The following CSNK1G1 variants were observed in gnomAD, a reference collection of about 807,000 sequenced individuals.
CSNK1G1 encodes the protein casein kinase I isoform gamma-1.
A neutral mutation model predicts 59.6 loss-of-function variants in CSNK1G1; 22 were observed. That is an observed-to-expected ratio of 0.37 (90% CI 0.26 to 0.53). CSNK1G1 has a LOEUF of 0.53. Ranked by LOEUF, CSNK1G1 falls within the 20% of genes least tolerant of loss-of-function variation. CSNK1G1 has a pLI of 0.89. For missense variants in CSNK1G1, 384 were observed against 519.5 expected, an observed-to-expected ratio of 0.74 and a Z score of 2.54; for synonymous variants, 179 against 177.1, an observed-to-expected ratio of 1.01 and a Z score of -0.08.
intron 2 of CSNK1G1, among the ~76,000 whole-genome samples, chr15:64,299,265 T>C (rs544037386): frequency 5.9e-5 from 9 of 152,224 alleles, no homozygotes; most frequent in African/African-American, 2.2e-4. Flanking sequence ...TTATTTTCTC[T>C]ATCCCACTCA....
chr15:64,353,209 T>C (rs1876477453), intron 1 of CSNK1G1, among the ~76,000 whole-genome samples: 1 of 152,226 alleles, frequency 6.6e-6, no homozygotes, highest in African/African-American at 2.4e-5. Flanking sequence ...CAGGAAGTTA[T>C]TTGATTTTTG....
At position 64,267,242 on chromosome 15, in the gene CSNK1G1, G is replaced by A. The variant is rs184111994; in HGVS notation, c.182-8001C>T. Among the ~76,000 whole-genome samples, 370 of 135,190 alleles carry A rather than the reference G, an allele frequency of 2.7e-3. 1 individual carries two copies. The highest frequency in any genetic ancestry group is 0.01 in the African/African-American group (358 of 34,626). The allele number at this position is 135,190 out of a possible 152,430, so 88.7% of individuals were successfully genotyped here. On this transcript the variant is annotated intron_variant, in intron 2 of 11. Coordinates refer to ENST00000303052, the MANE Select transcript of CSNK1G1 (RefSeq NM_022048.5). ...ACTGCACTCCAGCCTGGGAGACAAAGCGAGACCTTATCTCAAAAAAAAAAA... is the reference window on the plus strand; with the variant it reads ...ACTGCACTCCAGCCTGGGAGACAAAACGAGACCTTATCTCAAAAAAAAAAA...
At chr15:64,179,873 G>C (rs557766622) in intron 11 of CSNK1G1, among the ~76,000 whole-genome samples, 4 of 152,182 alleles carry the variant, frequency 2.6e-5, no homozygotes, top group African/African-American at 9.6e-5. Flanking sequence ...TATTTTTCTT[G>C]CCTGACTTAG....
At chr15:64,272,389 T>C (rs958548742) in intron 2 of CSNK1G1, among the ~76,000 whole-genome samples, 14 of 152,152 alleles carry the variant, frequency 9.2e-5, no homozygotes, top group African/African-American at 3.4e-4. Context: ...CTAATTTTTT[T>C]GTATTTTTTA....
In CSNK1G1 at chr15:64,214,908, G is replaced by C. The variant is rs1160009506; in HGVS notation, c.445-784C>G. The stretch of plus-strand genomic sequence containing the variant: ...TCCTCCTCGGCCTCCCAAAATGCTA[G>C]GATTACAGGCATGAGCCACCATGCC... On this transcript the variant is annotated intron_variant, in intron 5 of 11. Coordinates refer to ENST00000303052, the MANE Select transcript of CSNK1G1 (RefSeq NM_022048.5). This position sits in a 1 kb window ranked among gnomAD's most constrained non-coding sequence, Gnocchi z 4.3. Among the ~76,000 whole-genome samples, 1 of 152,152 alleles carries C rather than the reference G, an allele frequency of 6.6e-6. No homozygotes were observed. The highest frequency in any genetic ancestry group is 1.9e-4 in the East Asian group (1 of 5,160).
At chr15:64,207,716 T>C (rs2082200642) in intron 6 of CSNK1G1, 122 bp from the exon 7 acceptor site, 3 of 683,416 alleles carry the variant, frequency 4.4e-6, no homozygotes, top group Non-Finnish European at 7.8e-6. Context: ...TAATTACTTG[T>C]ATATTTAAAC....
chr15:64,261,988 AC>A (rs920988419), intron 2 of CSNK1G1, among the ~76,000 whole-genome samples: 1 of 151,302 alleles, frequency 6.6e-6, no homozygotes, highest in Non-Finnish European at 1.5e-5. Flanking sequence ...CCCTGTTCCT[AC>A]TTCCTGTATA....
At chr15:64,194,521 T>TC (rs201501083) in intron 10 of CSNK1G1, among the ~76,000 whole-genome samples, 4 of 147,284 alleles carry the variant, frequency 2.7e-5, no homozygotes, top group African/African-American at 7.6e-5. Context: ...TCTTTTCTTT[T>TC]TTTTTTTTTT....
intron 1 of CSNK1G1, among the ~76,000 whole-genome samples, chr15:64,355,459 A>G (rs2140503035): frequency 6.6e-6 from 1 of 152,332 alleles, no homozygotes; most frequent in East Asian, 1.9e-4. Context: ...GGGGAAGCGT[A>G]CGGAAGTTGG....
Position 64,170,471 on chromosome 15 carries a change from A to C in CSNK1G1, c.*1460T>G, listed in dbSNP as rs1487350284. 2 of 152,636 alleles carry C rather than the reference A, an allele frequency of 1.3e-5. No homozygotes were observed. Among genetic ancestry groups the C allele is most frequent in the African/African-American group, 4.8e-5 (2 of 41,432 alleles). 9.5% of individuals were successfully genotyped at this position (152,636 alleles called of 1,614,324 possible). Reference sequence around the variant, plus strand: ...GCCCCATATACTGCATCCTAAGCCTACTGCTATGGACCTGCTGGGAGAAGA... The same window carrying C: ...GCCCCATATACTGCATCCTAAGCCTCCTGCTATGGACCTGCTGGGAGAAGA... On this transcript the variant is annotated 3_prime_UTR_variant, in exon 12 of 12. Coordinates refer to ENST00000303052, the MANE Select transcript of CSNK1G1 (RefSeq NM_022048.5).
chr15:64,308,632 C>T (rs559241937), intron 1 of CSNK1G1, among the ~76,000 whole-genome samples: 1 of 152,224 alleles, frequency 6.6e-6, no homozygotes, highest in South Asian at 2.1e-4. Context: ...CGCGGTGGCT[C>T]ACATCTATAA....
At chr15:64,174,532 C>T (rs1182629837) in intron 11 of CSNK1G1, among the ~76,000 whole-genome samples, 1 of 152,212 alleles carries the variant, frequency 6.6e-6, no homozygotes, top group African/African-American at 2.4e-5. Flanking sequence ...CAGATGTGTT[C>T]CTCTCAGAAG....
intron 2 of CSNK1G1, among the ~76,000 whole-genome samples, chr15:64,277,986 G>A (rs906773775): frequency 1.9e-4 from 26 of 140,058 alleles, no homozygotes; most frequent in Middle Eastern, 4.1e-3. Context: ...TGATATATTC[G>A]AATAATATAT....
intron 11 of CSNK1G1, among the ~76,000 whole-genome samples, chr15:64,173,201 G>C (rs545308480): frequency 6.6e-6 from 1 of 152,144 alleles, no homozygotes; most frequent in African/African-American, 2.4e-5. Flanking sequence ...CATACCCCTA[G>C]GTATTCCATT....
chr15:64,354,606 G>C (rs1176428005), intron 1 of CSNK1G1, among the ~76,000 whole-genome samples: 1 of 152,034 alleles, frequency 6.6e-6, no homozygotes, highest in Admixed American at 6.6e-5. Flanking sequence ...CCTATTGTAT[G>C]CATTTTTTTT....
At chr15:64,215,433 C>T (rs1372327849) in intron 5 of CSNK1G1, among the ~76,000 whole-genome samples, 1 of 151,718 alleles carries the variant, frequency 6.6e-6, no homozygotes, top group African/African-American at 2.4e-5. Context: ...AGGATGGTCT[C>T]GATCTCCTGA....
At chr15:64,324,145 CACT>C (rs1896714809) in intron 1 of CSNK1G1, among the ~76,000 whole-genome samples, 1 of 152,200 alleles carries the variant, frequency 6.6e-6, no homozygotes, top group African/African-American at 2.4e-5. Flanking sequence ...CCCTGACTTA[CACT>C]ACTATGTATT....
At chr15:64,192,798 G>C (rs1327993089) in intron 10 of CSNK1G1, among the ~76,000 whole-genome samples, 1 of 117,136 alleles carries the variant, frequency 8.5e-6, no homozygotes, top group Non-Finnish European at 1.6e-5. Flanking sequence ...AGCTGAGATT[G>C]TGCCACCACA....
rs1034166649 is a variant in CSNK1G1 at position 64,216,799 on chromosome 15, T to C, written c.293-86A>G. On this transcript the variant is annotated intron_variant, in intron 4 of 11. Transcript: ENST00000303052. This position sits in a 1 kb window ranked among gnomAD's most constrained non-coding sequence, Gnocchi z 4.6. ...AACAGTATTAGCACTGAATAAAATA[T>C]TTTTAAAAGTACAATTTGTGAGATT... The C allele has an allele frequency of 4.9e-6, 6 of 1,222,116 alleles. No homozygotes were observed. The highest frequency in any genetic ancestry group is 6.8e-6 in the Non-Finnish European group (6 of 882,074). The allele number at this position is 1,222,116 out of a possible 1,614,324, so 75.7% of individuals were successfully genotyped here.
Sources: gnomAD v4.1 joint callset for allele counts (sites outside exome capture counted in the v4.1 genomes callset) on GRCh38, gnomAD v4.1.1 for gene constraint, Gnocchi (gnomAD v3.1) non-coding constraint, MANE v1.5 for transcripts, NCBI Gene and HGNC (gene_info 2026-07-23, HGNC 2026-07-21) for gene names.